The following TRDN variants were observed in gnomAD, a reference collection of about 807,000 sequenced individuals.
TRDN encodes the protein triadin in skeletal muscle.
Under a neutral mutation model 149.7 loss-of-function variants are expected in TRDN, and 161 were observed. The observed-to-expected ratio is 1.08, with a 90% CI of 0.95 to 1.23. The LOEUF is 1.23. Ranked by LOEUF, TRDN falls within the 50% of genes most tolerant of loss-of-function variation. The pLI is 0.00. For synonymous variants in TRDN, 294 were observed against 250.5 expected, an observed-to-expected ratio of 1.17 and a Z score of -1.64; for missense variants, 896 against 823.5, an observed-to-expected ratio of 1.09 and a Z score of -1.08.
chr6:123,275,030 C>T (rs1450139540), intron 26 of TRDN, among the ~76,000 whole-genome samples: 1 of 151,978 alleles, frequency 6.6e-6, no homozygotes, highest in Non-Finnish European at 1.5e-5. Context: ...GAAAATAGTT[C>T]CAAAGTCAAC....
intron 2 of TRDN, among the ~76,000 whole-genome samples, chr6:123,560,329 T>C (rs975401102): frequency 6.6e-6 from 1 of 152,150 alleles, no homozygotes; most frequent in African/African-American, 2.4e-5. Flanking sequence ...TACACATCAA[T>C]ATTTATACTG....
At chr6:123,387,002 G>A (rs969792068) in intron 14 of TRDN, among the ~76,000 whole-genome samples, 3 of 152,136 alleles carry the variant, frequency 2.0e-5, no homozygotes, top group African/African-American at 7.2e-5. Flanking sequence ...TTCAGAAAAA[G>A]AATTTAAAAA....
intron 13 of TRDN, 122 bp downstream of exon 13, chr6:123,393,502 A>AC: frequency 1.2e-6 from 1 of 835,900 alleles, no homozygotes; most frequent in Non-Finnish European, 1.8e-6. Flanking sequence ...ATTCAACAAT[A>AC]TTTTTTTTGC....
chr6:123,286,583 G>T (rs1372312338), intron 24 of TRDN, among the ~76,000 whole-genome samples: 3 of 151,990 alleles, frequency 2.0e-5, no homozygotes, highest in African/African-American at 2.4e-5. Context: ...AGTGTATACT[G>T]CTCGGGTGAT....
chr6:123,476,918 AT>A (rs1410924300), intron 9 of TRDN, among the ~76,000 whole-genome samples: 1 of 150,728 alleles, frequency 6.6e-6, no homozygotes, highest in African/African-American at 2.4e-5. Flanking sequence ...TTCAAGATGG[AT>A]TAAAGACTTA....
chr6:123,219,302 C>G (rs1347576787), intron 40 of TRDN, among the ~76,000 whole-genome samples: 1 of 151,742 alleles, frequency 6.6e-6, no homozygotes, highest in Non-Finnish European at 1.5e-5. Flanking sequence ...GAAAGCAAAA[C>G]AGGAAAGTTA....
At chr6:123,464,175 G>A in intron 10 of TRDN, 2 of 808,820 alleles carry the variant, frequency 2.5e-6, no homozygotes, top group Non-Finnish European at 3.0e-6. Flanking sequence ...CAGTATTTTG[G>A]ACAATATCTG....
intron 31 of TRDN, among the ~76,000 whole-genome samples, chr6:123,268,498 C>A: frequency 6.6e-6 from 1 of 152,038 alleles, no homozygotes; most frequent in East Asian, 1.9e-4. Flanking sequence ...TTGAGAATAT[C>A]TGTCAATTGA....
chr6:123,435,122 T>C (rs1774497755), intron 12 of TRDN, among the ~76,000 whole-genome samples: 1 of 149,938 alleles, frequency 6.7e-6, no homozygotes, highest in African/African-American at 2.4e-5. Flanking sequence ...ACTAAATGCA[T>C]ATATTTTATA....
chr6:123,408,423 A>G (rs932222566), intron 12 of TRDN, among the ~76,000 whole-genome samples: 7 of 152,144 alleles, frequency 4.6e-5, no homozygotes, highest in Non-Finnish European at 1.0e-4. Context: ...CATGCCTGTA[A>G]TCCCAACACT....
chr6:123,490,047 AG>A (rs1489506651), intron 9 of TRDN, among the ~76,000 whole-genome samples: 14 of 152,320 alleles, frequency 9.2e-5, no homozygotes, highest in African/African-American at 3.4e-4. Context: ...AAAGACAGAG[AG>A]CAGTAAGCTA....
chr6:123,388,483 A>G, intron 14 of TRDN, 39 bp downstream of exon 14: 1 of 1,573,638 alleles, frequency 6.4e-7, no homozygotes, highest in African/African-American at 1.3e-5. Context: ...GGTAAATTGT[A>G]CTCACAAAAG....
intron 14 of TRDN, 43 bp downstream of exon 14, chr6:123,388,479 T>C: frequency 6.4e-7 from 1 of 1,571,066 alleles, no homozygotes; most frequent in Admixed American, 1.9e-5. Flanking sequence ...TATTGGTAAA[T>C]TGTACTCACA....
At chr6:123,281,963 G>T (rs1777598710) in intron 24 of TRDN, among the ~76,000 whole-genome samples, 1 of 151,950 alleles carries the variant, frequency 6.6e-6, no homozygotes, top group African/African-American at 2.4e-5. Flanking sequence ...GCCTTGTGTG[G>T]AAATAGAGTT....
intron 4 of TRDN, among the ~76,000 whole-genome samples, chr6:123,536,687 CAATA>C (rs143950900): frequency 0.043 from 5,583 of 129,830 alleles, 149 homozygotes; most frequent in Middle Eastern, 0.05. Context: ...TCCATCTCTA[CAATA>C]AATAAATAAA....
chr6:123,448,876 C>G (rs193009989), intron 10 of TRDN, among the ~76,000 whole-genome samples: 8 of 152,226 alleles, frequency 5.3e-5, no homozygotes, highest in African/African-American at 1.7e-4. Flanking sequence ...GAGAGACCCA[C>G]AGATGGTTCA....
At chr6:123,407,533 A>G (rs996246572) in intron 12 of TRDN, among the ~76,000 whole-genome samples, 5 of 152,058 alleles carry the variant, frequency 3.3e-5, no homozygotes, top group African/African-American at 1.2e-4. Context: ...TGCTGTTCAG[A>G]GACATGTTTC....
At chr6:123,494,252 A>G (rs1354513012) in intron 9 of TRDN, among the ~76,000 whole-genome samples, 1 of 152,162 alleles carries the variant, frequency 6.6e-6, no homozygotes. Context: ...GTATGTTTGC[A>G]TATGCCTTTA....
chr6:123,241,393 A>G (rs145566161), intron 38 of TRDN, among the ~76,000 whole-genome samples: 247 of 151,594 alleles, frequency 1.6e-3, no homozygotes, highest in Non-Finnish European at 3.0e-3. Flanking sequence ...AAGAATATAA[A>G]CTTTTATATC....
Sources: gnomAD v4.1 joint callset for allele counts (sites outside exome capture counted in the v4.1 genomes callset) on GRCh38, gnomAD v4.1.1 for gene constraint, MANE v1.5 for transcripts, NCBI Gene and HGNC (gene_info 2026-07-23, HGNC 2026-07-21) for gene names.